PPM1H: variants seen among roughly 807,000 people sequenced by gnomAD.
PPM1H encodes protein phosphatase, Mg2+/Mn2+ dependent 1H.
A neutral mutation model predicts 54.9 loss-of-function variants in PPM1H; 27 were observed. The ratio of observed to expected loss-of-function variants is 0.49; its 90% CI spans 0.36 to 0.68. The LOEUF is 0.68. Ranked by LOEUF, PPM1H falls within the 30% of genes least tolerant of loss-of-function variation. The pLI is 0.00. For synonymous variants in PPM1H, 305 were observed against 270.8 expected (o/e 1.13, Z -1.24); for missense variants, 596 against 667.8 (o/e 0.89, Z 1.19).
intron 6 of PPM1H, among the ~76,000 whole-genome samples, chr12:62,703,864 C>A (rs543611483): frequency 6.6e-6 from 1 of 151,990 alleles, no homozygotes; most frequent in Non-Finnish European, 1.5e-5. Context: ...GGAATCAGGC[C>A]CCAAGTCTAA....
At chr12:62,800,615 G>A (rs923035558) in intron 3 of PPM1H, among the ~76,000 whole-genome samples, 2 of 152,118 alleles carry the variant, frequency 1.3e-5, no homozygotes, top group South Asian at 4.1e-4. Context: ...GGGATTACAG[G>A]CATGAACCAC....
At chr12:62,663,871 A>G (rs553319601) in intron 9 of PPM1H, among the ~76,000 whole-genome samples, 16 of 152,206 alleles carry the variant, frequency 1.1e-4, no homozygotes, top group African/African-American at 2.9e-4. Context: ...CATGCCTGTA[A>G]TCCCAGCTAC....
chr12:62,805,382 G>A (rs1021651724), intron 2 of PPM1H, among the ~76,000 whole-genome samples: 1 of 152,166 alleles, frequency 6.6e-6, no homozygotes, highest in African/African-American at 2.4e-5. Flanking sequence ...AATGAAATCA[G>A]TATCTATAGC....
rs148018989 is a variant in PPM1H at position 62,818,259 on chromosome 12, T to C, written c.411+13855A>G. Among the ~76,000 whole-genome samples the C allele has an allele frequency of 3.9e-3, 589 of 152,312 alleles. 6 individuals are homozygous for C. Among genetic ancestry groups the C allele is most frequent in the African/African-American group, 0.013 (547 of 41,570 alleles). ...AAGTCACTTGGTACCCTCCTCCTCT[T>C]ATCTCATTCCTGGAATGACTAAATA... is the stretch of plus-strand genomic sequence containing the variant. On this transcript the variant is annotated intron_variant, in intron 2 of 9. Coordinates refer to ENST00000228705, the MANE Select transcript of PPM1H (RefSeq NM_020700.2).
chr12:62,911,288 G>A (rs1422002498), intron 1 of PPM1H, among the ~76,000 whole-genome samples: 1 of 152,140 alleles, frequency 6.6e-6, no homozygotes, highest in Non-Finnish European at 1.5e-5. Flanking sequence ...GAAATTATAC[G>A]AGTTTGTCAA....
intron 8 of PPM1H, among the ~76,000 whole-genome samples, chr12:62,674,539 C>G (rs2075975025): frequency 6.6e-6 from 1 of 152,180 alleles, no homozygotes. Context: ...GCCACCAAGA[C>G]TATACCCAAA....
intron 5 of PPM1H, among the ~76,000 whole-genome samples, chr12:62,731,133 C>G (rs905997509): frequency 1.3e-5 from 2 of 152,134 alleles, no homozygotes; most frequent in Non-Finnish European, 2.9e-5. Flanking sequence ...TCTACGTGAT[C>G]CAGGGGACCT....
At chr12:62,905,488 A>G (rs544733117) in intron 1 of PPM1H, among the ~76,000 whole-genome samples, 3 of 152,334 alleles carry the variant, frequency 2.0e-5, no homozygotes, top group African/African-American at 7.2e-5. Flanking sequence ...CACATGAAAA[A>G]GTTAATATAA....
chr12:62,899,266 T>G (rs974702729), intron 1 of PPM1H, among the ~76,000 whole-genome samples: 1 of 151,984 alleles, frequency 6.6e-6, no homozygotes, highest in African/African-American at 2.4e-5. Flanking sequence ...CCATGACAAC[T>G]GGTGATCAAA....
chr12:62,662,878 T>C (rs1237630547), intron 9 of PPM1H, among the ~76,000 whole-genome samples: 2 of 152,212 alleles, frequency 1.3e-5, no homozygotes, highest in Non-Finnish European at 2.9e-5. Context: ...GTAACCATTA[T>C]CTTGAATTTT....
At chr12:62,742,801 T>C (rs1397739822) in intron 4 of PPM1H, among the ~76,000 whole-genome samples, 9 of 152,204 alleles carry the variant, frequency 5.9e-5, no homozygotes, top group Non-Finnish European at 1.5e-5. Context: ...TTGCCGGGGT[T>C]GAGGTGATTT....
At chr12:62,769,854 T>G (rs2076567786) in intron 4 of PPM1H, among the ~76,000 whole-genome samples, 1 of 152,104 alleles carries the variant, frequency 6.6e-6, no homozygotes, top group Non-Finnish European at 1.5e-5. Context: ...AAAAGTGGGC[T>G]GGAGGGGAAA....
chr12:62,734,310 C>A (rs1329061228), intron 5 of PPM1H, among the ~76,000 whole-genome samples: 2 of 152,056 alleles, frequency 1.3e-5, no homozygotes, highest in Non-Finnish European at 2.9e-5. Context: ...TTTTTTGCTA[C>A]AGCAGCCCAA....
At chr12:62,725,092 G>A (rs931638755) in intron 5 of PPM1H, among the ~76,000 whole-genome samples, 1 of 152,182 alleles carries the variant, frequency 6.6e-6, no homozygotes, top group African/African-American at 2.4e-5. Context: ...TCTAGAGCCA[G>A]CTTACTTCTG....
chr12:62,924,215 G>C (rs12582641), intron 1 of PPM1H, among the ~76,000 whole-genome samples: 13,153 of 152,184 alleles, frequency 0.086, 719 homozygotes, highest in East Asian at 0.22. Context: ...GCCCAGAGTG[G>C]GGGGGGCAGT....
chr12:62,824,503 C>A (rs1409400722), intron 2 of PPM1H, among the ~76,000 whole-genome samples: 3 of 152,180 alleles, frequency 2.0e-5, no homozygotes, highest in Non-Finnish European at 4.4e-5. Context: ...TCAAACTATA[C>A]TACAAGGCTA....
chr12:62,789,287 C>T (rs917494683), intron 3 of PPM1H, among the ~76,000 whole-genome samples: 2 of 152,180 alleles, frequency 1.3e-5, no homozygotes, highest in African/African-American at 4.8e-5. Flanking sequence ...ACTGGGCCAC[C>T]ATACCCAGCC....
intron 4 of PPM1H, among the ~76,000 whole-genome samples, chr12:62,753,319 C>T (rs544853062): frequency 8.5e-5 from 13 of 152,304 alleles, no homozygotes; most frequent in South Asian, 2.1e-4. Flanking sequence ...AAACAGGGGA[C>T]GACCAAATGA....
rs1592634494 is a variant in PPM1H at position 62,849,893 on chromosome 12, C to T, written c.246-17614G>A. Among the ~76,000 whole-genome samples, 5 of 152,296 alleles carry T rather than the reference C, an allele frequency of 3.3e-5. 1 individual carries two copies. Among genetic ancestry groups the T allele is most frequent in the Admixed American group, 3.3e-4 (5 of 15,290 alleles). ...AAGGTGACACTGTTAAACAACTGCT[C>T]TAAAATGCTGTCACAACTTTCTAGA... On this transcript the variant is annotated intron_variant, in intron 1 of 9. Transcript: ENST00000228705.
Sources: allele counts gnomAD v4.1 joint callset (sites outside exome capture counted in the v4.1 genomes callset), GRCh38; gene constraint gnomAD v4.1.1; transcripts MANE v1.5; gene names NCBI Gene and HGNC (gene_info 2026-07-23, HGNC 2026-07-21).